MYO1D: variants seen among roughly 807,000 people sequenced by gnomAD.
MYO1D encodes the protein unconventional myosin-Id.
In MYO1D, 83 loss-of-function variants were observed where a neutral mutation model predicts 122.0. That is an observed-to-expected ratio of 0.68 (90% CI 0.57 to 0.82). The LOEUF is 0.82. MYO1D is among the 40% of genes least tolerant of loss of function. MYO1D has a pLI of 0.00. For missense variants in MYO1D, 1,157 were observed against 1,269.5 expected (o/e 0.91, Z 1.35); for synonymous variants, 464 against 446.9 (o/e 1.04, Z -0.48).
At chr17:32,808,432 CA>C (rs1194341636) in intron 1 of MYO1D, among the ~76,000 whole-genome samples, 2 of 150,786 alleles carry the variant, frequency 1.3e-5, no homozygotes, top group Non-Finnish European at 3.0e-5. Context: ...AATCAGAATT[CA>C]AAAGATATAA....
At chr17:32,544,366 G>A (rs1418454973) in intron 21 of MYO1D, among the ~76,000 whole-genome samples, 1 of 152,138 alleles carries the variant, frequency 6.6e-6, no homozygotes, top group Non-Finnish European at 1.5e-5. Context: ...CTCCCAAAGT[G>A]CTGAGATTAC....
chr17:32,842,890 T>C lies in MYO1D; in HGVS notation c.95+33888A>G, dbSNP rs200776003. Among the ~76,000 whole-genome samples the C allele has an allele frequency of 1.9e-3, 254 of 136,124 alleles. 2 individuals are homozygous for C. The highest frequency in any genetic ancestry group is 5.4e-3 in the African/African-American group (205 of 37,984). The allele number at this position is 136,124 out of a possible 152,430, so 89.3% of individuals were successfully genotyped here. ...TTGTTTTATTTCTATTTCTTTCTTT[T>C]TTTTTTTTTTTTTTTTGAGATGGAG... On this transcript the variant is annotated intron_variant, in intron 1 of 21. Transcript: ENST00000318217.
At chr17:32,684,639 A>G (rs2088979656) in intron 16 of MYO1D, among the ~76,000 whole-genome samples, 1 of 152,200 alleles carries the variant, frequency 6.6e-6, no homozygotes, top group African/African-American at 2.4e-5. Context: ...ATCCTATTAC[A>G]CAACTGTGAG....
At chr17:32,596,701 A>C (rs2087496358) in intron 21 of MYO1D, among the ~76,000 whole-genome samples, 1 of 152,270 alleles carries the variant, frequency 6.6e-6, no homozygotes, top group South Asian at 2.1e-4. Flanking sequence ...CAGAAAGAGA[A>C]CAGGAAAAAT....
chr17:32,746,546 A>T (rs747129215), intron 12 of MYO1D, among the ~76,000 whole-genome samples: 2 of 152,192 alleles, frequency 1.3e-5, no homozygotes, highest in Admixed American at 6.5e-5. Context: ...TATTGTATAC[A>T]TGTATATAAA....
chr17:32,664,471 A>T (rs1462051946), intron 16 of MYO1D, among the ~76,000 whole-genome samples: 1 of 152,254 alleles, frequency 6.6e-6, no homozygotes, highest in East Asian at 1.9e-4. Context: ...ACTTATTTGC[A>T]TATGGCTGAG....
At chr17:32,803,205 G>A (rs2090475376) in intron 1 of MYO1D, among the ~76,000 whole-genome samples, 1 of 152,050 alleles carries the variant, frequency 6.6e-6, no homozygotes, top group African/African-American at 2.4e-5. Context: ...TGAGTGCAGT[G>A]GCGTGATCTC....
chr17:32,653,823 C>A lies in MYO1D; in HGVS notation c.2595+20G>T. ...ATCAGTCTTTCCTTTCCAAGATGAT[C>A]TGGTTTAAGCTTGCCTTACCTTACG... On this transcript the variant is annotated intron_variant, in intron 19 of 21. Transcript: ENST00000318217. 1.3e-6 allele frequency: 2 copies of A among 1,588,692 alleles called. No homozygotes were observed. The highest frequency in any genetic ancestry group is 1.1e-5 in the South Asian group (1 of 90,088).
At chr17:32,595,756 C>T (rs1190720663) in intron 21 of MYO1D, among the ~76,000 whole-genome samples, 1 of 152,186 alleles carries the variant, frequency 6.6e-6, no homozygotes, top group Non-Finnish European at 1.5e-5. Flanking sequence ...AAAGTCTCTG[C>T]TTACATAAAG....
chr17:32,848,456 T>C (rs537776622), intron 1 of MYO1D, among the ~76,000 whole-genome samples: 1 of 152,356 alleles, frequency 6.6e-6, no homozygotes, highest in Non-Finnish European at 1.5e-5. Context: ...TTTCTGAAAT[T>C]TTAAATCATG....
intron 21 of MYO1D, among the ~76,000 whole-genome samples, chr17:32,597,531 T>C (rs1008978099): frequency 6.6e-6 from 1 of 152,156 alleles, no homozygotes; most frequent in African/African-American, 2.4e-5. Context: ...TCTATCTATA[T>C]AAATAGAGAT....
At chr17:32,668,613 T>G (rs2088667634) in intron 16 of MYO1D, among the ~76,000 whole-genome samples, 1 of 152,192 alleles carries the variant, frequency 6.6e-6, no homozygotes, top group Non-Finnish European at 1.5e-5. Flanking sequence ...GGTTCCAATT[T>G]CAATAAGTTT....
chr17:32,814,250 A>G (rs2090595633), intron 1 of MYO1D, among the ~76,000 whole-genome samples: 1 of 152,214 alleles, frequency 6.6e-6, no homozygotes. Context: ...AGGCTGAGGC[A>G]GGAGAATCAC....
At chr17:32,572,867 T>C (rs1363337567) in intron 21 of MYO1D, among the ~76,000 whole-genome samples, 2 of 152,122 alleles carry the variant, frequency 1.3e-5, no homozygotes, top group Non-Finnish European at 2.9e-5. Context: ...TGACAGGCTT[T>C]CCATGTTAGC....
intron 10 of MYO1D, 113 bp downstream of exon 10, chr17:32,760,177 A>G: frequency 1.1e-6 from 1 of 915,734 alleles, no homozygotes; most frequent in Admixed American, 1.7e-5. Context: ...AGGAAAGCTA[A>G]GGTTCAGATG....
rs1171700867 is a variant in MYO1D at position 32,765,087 on chromosome 17, T to A, written c.832-6A>T. The stretch of plus-strand genomic sequence containing the variant: ...ACTACAAATTTTAAATTTCCCTGTA[T>A]CAAAAGTGAAAAAAATAACACATTA... On this transcript the variant is annotated splice_polypyrimidine_tract_variant and splice_region_variant and intron_variant, in intron 7 of 21. Transcript: ENST00000318217. The A allele has an allele frequency of 6.2e-7, 1 of 1,604,376 alleles. No homozygotes were observed. Among genetic ancestry groups the A allele is most frequent in the Admixed American group, 1.7e-5 (1 of 59,910 alleles).
intron 21 of MYO1D, among the ~76,000 whole-genome samples, chr17:32,561,354 CTTTTTT>C (rs71144841): frequency 2.7e-5 from 4 of 150,570 alleles, no homozygotes; most frequent in Non-Finnish European, 5.9e-5. Context: ...CAACTCTCTC[CTTTTTT>C]TTTAATTCTA....
intron 21 of MYO1D, among the ~76,000 whole-genome samples, chr17:32,531,812 G>C (rs373639657): frequency 6.6e-6 from 1 of 152,288 alleles, no homozygotes; most frequent in South Asian, 2.1e-4. Flanking sequence ...AATATATACA[G>C]GCAATCATGC....
At chr17:32,605,014 A>G in intron 21 of MYO1D, 73 bp downstream of exon 21, 1 of 1,385,068 alleles carries the variant, frequency 7.2e-7, no homozygotes, top group Non-Finnish European at 9.8e-7. Context: ...GGCACAAAAC[A>G]AGCTCAGTGA....
Sources: allele counts gnomAD v4.1 joint callset (sites outside exome capture counted in the v4.1 genomes callset), GRCh38; gene constraint gnomAD v4.1.1; transcripts MANE v1.5; gene names NCBI Gene and HGNC (gene_info 2026-07-23, HGNC 2026-07-21).